The following NDE1 variants were observed in gnomAD, a reference collection of about 807,000 sequenced individuals.
NDE1 encodes the protein nuclear distribution protein nudE homolog 1.
A neutral mutation model predicts 43.4 loss-of-function variants in NDE1; 28 were observed. The ratio of observed to expected loss-of-function variants is 0.65; its 90% CI spans 0.48 to 0.89. The LOEUF is 0.89. Ranked by LOEUF, NDE1 falls within the 40% of genes least tolerant of loss-of-function variation. The pLI is 0.00. For missense variants in NDE1, 441 were observed against 434.1 expected, an observed-to-expected ratio of 1.02 and a Z score of -0.14; for synonymous variants, 184 against 172.0, an observed-to-expected ratio of 1.07 and a Z score of -0.55.
chr16:15,680,252 G>A (rs766635511), intron 4 of NDE1, among the ~76,000 whole-genome samples: 1 of 152,084 alleles, frequency 6.6e-6, no homozygotes, highest in African/African-American at 2.4e-5. Context: ...CGTGTGGTTT[G>A]GGGGAGGCCA....
chr16:15,647,749 G>A (rs1265256152), upstream of NDE1, among the ~76,000 whole-genome samples: 1 of 152,058 alleles, frequency 6.6e-6, no homozygotes, highest in African/African-American at 2.4e-5. Context: ...TCATAATGCC[G>A]GGTGCTGTGG....
In NDE1 at chr16:15,720,826, C is replaced by T. The variant is rs374628714; in HGVS notation, c.948-3365C>T. 76 of 1,612,676 alleles carry T rather than the reference C, an allele frequency of 4.7e-5. No homozygotes were observed. Among genetic ancestry groups the T allele is most frequent in the East Asian group, 6.7e-5 (3 of 44,866 alleles). Reference sequence around the variant, plus strand: ...CCCGACCTCCCTCTGCTGGCCTCCCCGGCAGCACGCACCTGTCTCTGCAGT... The same window carrying T: ...CCCGACCTCCCTCTGCTGGCCTCCCTGGCAGCACGCACCTGTCTCTGCAGT... On this transcript the variant is annotated intron_variant, in intron 8 of 8. Transcript: ENST00000396354.
intron 5 of NDE1, 134 bp downstream of exon 5, chr16:15,687,645 A>T (rs2038507396): frequency 1.1e-6 from 1 of 892,728 alleles, no homozygotes. Context: ...GTCTAATCAG[A>T]GGGTGTCGGA....
intron 8 of NDE1, chr16:15,720,094 C>G (rs1242732568): frequency 6.2e-7 from 1 of 1,610,934 alleles, no homozygotes; most frequent in Non-Finnish European, 8.5e-7. Context: ...ACTTCGGTGG[C>G]CTGAGGGGAA....
chr16:15,673,329 G>C (rs118008114), intron 3 of NDE1, among the ~76,000 whole-genome samples: 2 of 151,702 alleles, frequency 1.3e-5, no homozygotes, highest in Admixed American at 6.6e-5. Flanking sequence ...CCTGCCTCCC[G>C]GGTAGCTGGG....
rs373322898 is a variant in NDE1, at chr16:15,708,773, C to T, written c.947+11913C>T. ...AGAAAAGAAATGGATACTGAGACAACACACAGCTGCGAAGCTGAAGGCATG... is the reference window on the plus strand; with the variant it reads ...AGAAAAGAAATGGATACTGAGACAATACACAGCTGCGAAGCTGAAGGCATG... On this transcript the variant is annotated intron_variant, in intron 8 of 8. Coordinates refer to ENST00000396354, the MANE Select transcript of NDE1 (RefSeq NM_017668.3). The T allele has an allele frequency of 7.2e-5, 115 of 1,597,278 alleles. 1 individual carries two copies. The highest frequency in any genetic ancestry group is 9.6e-5 in the Non-Finnish European group (112 of 1,172,192).
rs149996616 is a variant in NDE1, at chr16:15,654,398, G to A, written c.-44+4104G>A. On this transcript the variant is annotated intron_variant, in intron 1 of 8. Coordinates refer to ENST00000396354, the MANE Select transcript of NDE1 (RefSeq NM_017668.3). ...GCAGATCACCTGAGGTCAGGAGATC[G>A]AGACCAGCCTGGCCAACGTGGCGAA... 1.9e-3 allele frequency among the ~76,000 whole-genome samples: 282 copies of A among 151,858 alleles called. 4 individuals are homozygous for A. Among genetic ancestry groups the A allele is most frequent in the Middle Eastern group, 0.017 (5 of 294 alleles).
intron 8 of NDE1, chr16:15,719,638 C>G: frequency 6.2e-7 from 1 of 1,614,208 alleles, no homozygotes; most frequent in Non-Finnish European, 8.5e-7. Context: ...TTCTCATTCT[C>G]TTTGGCTGTG....
chr16:15,690,353 CT>C (rs869069843), intron 5 of NDE1, among the ~76,000 whole-genome samples: 766 of 80,934 alleles, frequency 9.5e-3, no homozygotes, highest in Non-Finnish European at 0.014. Context: ...TTTTTTTTTT[CT>C]TTTTTTTTTT....
At chr16:15,664,199 G>A (rs2037186984) in intron 1 of NDE1, among the ~76,000 whole-genome samples, 2 of 152,164 alleles carry the variant, frequency 1.3e-5, no homozygotes, top group African/African-American at 4.8e-5. Flanking sequence ...TGGCTCCCTA[G>A]GTCCTTTAGT....
At chr16:15,662,681 A>G (rs2037110101) in intron 1 of NDE1, among the ~76,000 whole-genome samples, 1 of 151,888 alleles carries the variant, frequency 6.6e-6, no homozygotes, top group African/African-American at 2.4e-5. Flanking sequence ...TGCTCAGGTG[A>G]TCCTCCCATC....
At chr16:15,710,631 C>A (rs1437891601) in intron 8 of NDE1, among the ~76,000 whole-genome samples, 2 of 151,678 alleles carry the variant, frequency 1.3e-5, no homozygotes, top group Admixed American at 1.3e-4. Flanking sequence ...CCCAGCCACT[C>A]AGGAGAGGCA....
chr16:15,684,152 A>T (rs990130876), intron 4 of NDE1: 4 of 152,138 alleles, frequency 2.6e-5, no homozygotes, highest in Non-Finnish European at 5.9e-5. Flanking sequence ...AATCGCTTGT[A>T]CCCGAGAGGC....
intron 4 of NDE1, among the ~76,000 whole-genome samples, chr16:15,682,041 CTT>C (rs1409983702): frequency 6.6e-6 from 1 of 152,048 alleles, no homozygotes; most frequent in African/African-American, 2.4e-5. Context: ...TTTGTTTTTT[CTT>C]TCTTTTCTAT....
chr16:15,717,231 C>G lies in NDE1; in HGVS notation c.948-6960C>G, dbSNP rs1382954416. 1.2e-6 allele frequency: 2 copies of G among 1,614,228 alleles called. No individual in the cohort carries two copies. The highest frequency in any genetic ancestry group is 1.1e-5 in the South Asian group (1 of 91,088). ...TTGAACTTGGACTTGACGGCCCCCT[C>G]CATCTCGTGGAGCTTGCTCCGGAGC... On this transcript the variant is annotated intron_variant, in intron 8 of 8. Transcript: ENST00000396354.
intron 8 of NDE1, among the ~76,000 whole-genome samples, chr16:15,710,800 C>G (rs1475894990): frequency 1.3e-5 from 2 of 152,040 alleles, no homozygotes; most frequent in African/African-American, 4.8e-5. Flanking sequence ...GTCTCAGCCT[C>G]ACGAGTAGCT....
At chr16:15,681,253 CTTTT>C (rs71134448) in intron 4 of NDE1, among the ~76,000 whole-genome samples, 3 of 31,430 alleles carry the variant, frequency 9.5e-5, no homozygotes, top group Non-Finnish European at 1.1e-4. Context: ...TAAACACTGC[CTTTT>C]TTTTTTTTTT....
chr16:15,700,039 C>T, intron 8 of NDE1: 1 of 1,180,908 alleles, frequency 8.5e-7, no homozygotes, highest in Non-Finnish European at 1.1e-6. Context: ...CCACCGTGTG[C>T]ATTGCAAAGA....
intron 8 of NDE1, chr16:15,721,224 G>A: frequency 6.4e-6 from 6 of 941,316 alleles, no homozygotes; most frequent in Middle Eastern, 3.1e-4. Flanking sequence ...CCTTATCCTC[G>A]GACCCCCCAA....
Sources: gnomAD v4.1 joint callset for allele counts (sites outside exome capture counted in the v4.1 genomes callset) on GRCh38, gnomAD v4.1.1 for gene constraint, MANE v1.5 for transcripts, NCBI Gene and HGNC (gene_info 2026-07-23, HGNC 2026-07-21) for gene names.